The following SORCS2 variants were observed in gnomAD, a reference collection of about 807,000 sequenced individuals.
SORCS2 encodes sortilin related VPS10 domain containing receptor 2, also known as VPS10 domain-containing receptor SorCS2.
In SORCS2, 100 loss-of-function variants were observed where a neutral mutation model predicts 141.6. The observed-to-expected ratio is 0.71, with a 90% CI of 0.60 to 0.83. SORCS2 has a LOEUF of 0.83. Among genes scored for constraint, SORCS2 ranks in the 40% least tolerant of loss-of-function variants. The pLI is 0.00. For missense variants in SORCS2, 1,646 were observed against 1,560.2 expected (o/e 1.05, Z -0.93); for synonymous variants, 789 against 676.9 (o/e 1.17, Z -2.57).
chr4:7,554,825 A>G (rs972633399), intron 3 of SORCS2, among the ~76,000 whole-genome samples: 1 of 152,186 alleles, frequency 6.6e-6, no homozygotes, highest in Non-Finnish European at 1.5e-5. Flanking sequence ...GGGTGCACAC[A>G]GGACCCCGTG....
intron 2 of SORCS2, among the ~76,000 whole-genome samples, chr4:7,527,702 G>C (rs961123540): frequency 3.6e-4 from 55 of 152,156 alleles, no homozygotes; most frequent in Non-Finnish European, 4.9e-4. Context: ...CCCACCAGGT[G>C]AAGTCAGCCT....
intron 3 of SORCS2, among the ~76,000 whole-genome samples, chr4:7,596,487 G>C (rs1032980373): frequency 6.6e-6 from 1 of 152,178 alleles, no homozygotes; most frequent in Non-Finnish European, 1.5e-5. Flanking sequence ...TTAATTAGCA[G>C]GCTCAAAAAG....
intron 1 of SORCS2, among the ~76,000 whole-genome samples, chr4:7,236,716 G>T (rs187244342): frequency 1.3e-3 from 192 of 152,188 alleles, no homozygotes; most frequent in African/African-American, 4.5e-3. Context: ...TGAGTAGCTG[G>T]GACTACAGGC....
At chr4:7,671,873 A>G (rs1164845948) in intron 8 of SORCS2, among the ~76,000 whole-genome samples, 1 of 133,282 alleles carries the variant, frequency 7.5e-6, no homozygotes, top group African/African-American at 2.8e-5. Flanking sequence ...ATTTCAACAA[A>G]CTCTAAGAAT....
intron 3 of SORCS2, among the ~76,000 whole-genome samples, chr4:7,557,942 G>A (rs1714256909): frequency 6.6e-6 from 1 of 152,362 alleles, no homozygotes. Context: ...GGCTCAGAGA[G>A]GCAGAGCGAC....
chr4:7,243,806 C>T (rs921816583), intron 1 of SORCS2, among the ~76,000 whole-genome samples: 4 of 152,340 alleles, frequency 2.6e-5, no homozygotes, highest in Admixed American at 1.3e-4. Flanking sequence ...AGCTTCCCTG[C>T]GAGGGCAGGC....
intron 1 of SORCS2, among the ~76,000 whole-genome samples, chr4:7,268,906 T>C (rs550321203): frequency 1.3e-5 from 2 of 151,062 alleles, no homozygotes; most frequent in East Asian, 3.9e-4. Context: ...CATTTTAGGA[T>C]TGAGTGGGAA....
chr4:7,507,593 C>A (rs1732348458), intron 2 of SORCS2, among the ~76,000 whole-genome samples: 1 of 152,094 alleles, frequency 6.6e-6, no homozygotes, highest in South Asian at 2.1e-4. Flanking sequence ...TGCTCTAAAC[C>A]AAGTGGCACG....
At chr4:7,621,539 ATGTGTGTG>A (rs144562344) in intron 3 of SORCS2, among the ~76,000 whole-genome samples, 66 of 142,988 alleles carry the variant, frequency 4.6e-4, no homozygotes, top group African/African-American at 1.6e-3. Flanking sequence ...ATGTGTGAGT[ATGTGTGTG>A]TGTGTGTTTG....
chr4:7,325,971 G>GGCGTGGGAGT (rs1434007547), intron 1 of SORCS2, among the ~76,000 whole-genome samples: 7 of 152,148 alleles, frequency 4.6e-5, no homozygotes, highest in Non-Finnish European at 1.0e-4. Flanking sequence ...CTGAGTGGAG[G>GGCGTGGGAGT]GCGTGGGAGT....
intron 1 of SORCS2, among the ~76,000 whole-genome samples, chr4:7,214,655 C>G (rs1728221235): frequency 6.6e-6 from 1 of 152,226 alleles, no homozygotes; most frequent in South Asian, 2.1e-4. Context: ...TCATAGGTCA[C>G]TGTGTTCCAG....
intron 18 of SORCS2, among the ~76,000 whole-genome samples, chr4:7,718,847 C>T (rs1241942535): frequency 1.3e-5 from 2 of 152,178 alleles, no homozygotes; most frequent in Non-Finnish European, 2.9e-5. Flanking sequence ...CCCAGTCCTC[C>T]GTGGTAACAA....
chr4:7,335,962 C>T (rs535422539), intron 1 of SORCS2, among the ~76,000 whole-genome samples: 49 of 152,376 alleles, frequency 3.2e-4, no homozygotes, highest in African/African-American at 1.1e-3. Flanking sequence ...GCTCTGCCCC[C>T]TCCTGGCCGG....
chr4:7,736,876 G>A (rs1468821857), intron 25 of SORCS2, among the ~76,000 whole-genome samples, 193 bp from the exon 26 acceptor site: 1 of 152,212 alleles, frequency 6.6e-6, no homozygotes, highest in Non-Finnish European at 1.5e-5. Flanking sequence ...GCAGGAGGGA[G>A]GGCTTCCTGG....
At chr4:7,249,613 C>T (rs908056277) in intron 1 of SORCS2, among the ~76,000 whole-genome samples, 8 of 152,208 alleles carry the variant, frequency 5.3e-5, no homozygotes, top group Non-Finnish European at 1.2e-4. Flanking sequence ...TGTGTCACTT[C>T]ATTCATGCCT....
intron 1 of SORCS2, among the ~76,000 whole-genome samples, chr4:7,387,523 A>G (rs914844929): frequency 2.0e-5 from 3 of 149,368 alleles, no homozygotes; most frequent in Non-Finnish European, 4.4e-5. Flanking sequence ...ACAGAGATAC[A>G]TATGCACACA....
intron 2 of SORCS2, among the ~76,000 whole-genome samples, chr4:7,497,339 A>T (rs62280170): frequency 6.6e-6 from 1 of 152,186 alleles, no homozygotes; most frequent in Admixed American, 6.5e-5. Flanking sequence ...CTGTTGCCAG[A>T]GGAGGACTGG....
At chr4:7,528,173 A>G (rs562003443) in intron 2 of SORCS2, among the ~76,000 whole-genome samples, 24 of 152,272 alleles carry the variant, frequency 1.6e-4, no homozygotes, top group African/African-American at 3.8e-4. Flanking sequence ...GGTACTCAGT[A>G]TGCACACATC....
chr4:7,248,696 G>A (rs2108802007), intron 1 of SORCS2, among the ~76,000 whole-genome samples: 1 of 152,282 alleles, frequency 6.6e-6, no homozygotes, highest in Admixed American at 6.5e-5. Flanking sequence ...CTTTCCGGGT[G>A]TACACTACTT....
Sources: gnomAD v4.1 joint callset for allele counts (sites outside exome capture counted in the v4.1 genomes callset) on GRCh38, gnomAD v4.1.1 for gene constraint, MANE v1.5 for transcripts, NCBI Gene and HGNC (gene_info 2026-07-23, HGNC 2026-07-21) for gene names.